MTAP: variants seen among roughly 807,000 people sequenced by gnomAD.
The protein encoded by MTAP is S-methyl-5'-thioadenosine phosphorylase.
A neutral mutation model predicts 33.6 loss-of-function variants in MTAP; 33 were observed. The observed-to-expected ratio is 0.98, with a 90% CI of 0.74 to 1.31. MTAP has a LOEUF of 1.31. MTAP is among the 40% of genes most tolerant of loss of function. The probability of loss-of-function intolerance (pLI) is 0.00; values close to 1 mark genes in which losing one functional copy is unlikely to be tolerated. For synonymous variants in MTAP, 148 were observed against 125.7 expected, an observed-to-expected ratio of 1.18 and a Z score of -1.19; for missense variants, 367 against 360.0, an observed-to-expected ratio of 1.02 and a Z score of -0.16.
intron 1 of MTAP, among the ~76,000 whole-genome samples, chr9:21,880,040 A>G (rs987805916): frequency 1.3e-5 from 2 of 152,124 alleles, no homozygotes; most frequent in Non-Finnish European, 2.9e-5. Flanking sequence ...AAATCTTGCA[A>G]GAGTTCTGTG....
intron 1 of MTAP, among the ~76,000 whole-genome samples, chr9:21,899,004 C>T (rs901428933): frequency 6.6e-6 from 1 of 151,920 alleles, no homozygotes; most frequent in African/African-American, 2.4e-5. Flanking sequence ...CAACAATAGA[C>T]CTGATAAAGA....
chr9:21,871,057 C>T (rs961386826), downstream of MTAP, among the ~76,000 whole-genome samples: 6 of 152,222 alleles, frequency 3.9e-5, no homozygotes, highest in Non-Finnish European at 8.8e-5. Flanking sequence ...AGCCATCAGC[C>T]ACCATGCCTG....
intron 1 of MTAP, among the ~76,000 whole-genome samples, chr9:21,926,570 G>T (rs1294129878): frequency 1.3e-5 from 2 of 152,176 alleles, no homozygotes. Context: ...GAATGAAAAA[G>T]GAAGGAGTCT....
At chr9:21,888,749 G>A (rs776168820) in intron 1 of MTAP, among the ~76,000 whole-genome samples, 2 of 152,022 alleles carry the variant, frequency 1.3e-5, no homozygotes, top group South Asian at 2.1e-4. Flanking sequence ...TATTTTCCTG[G>A]CTTTGCTAGA....
rs969019293 is a variant in MTAP, at chr9:21,863,330, G to C, written c.*1316G>C. On this transcript the variant is annotated 3_prime_UTR_variant, in exon 8 of 8. Transcript: ENST00000644715. ...TTTATAGAAATGCTTTTTGTTGGCC[G>C]GGCACAGTTGCTCATCCATGTAATC... 5.1e-6 allele frequency: 5 copies of C among 982,230 alleles called. No individual in the cohort carries two copies. Among genetic ancestry groups the C allele is most frequent in the Non-Finnish European group, 6.0e-6 (5 of 827,436 alleles). 60.8% of individuals were successfully genotyped at this position (982,230 alleles called of 1,614,324 possible).
intron 1 of MTAP, among the ~76,000 whole-genome samples, chr9:21,911,976 A>G (rs924856794): frequency 1.1e-4 from 16 of 152,226 alleles, no homozygotes; most frequent in Admixed American, 5.2e-4. Context: ...AGAAATACAA[A>G]CTACCATCAG....
At chr9:21,845,781 G>C (rs1208775424) in intron 5 of MTAP, among the ~76,000 whole-genome samples, 1 of 151,700 alleles carries the variant, frequency 6.6e-6, no homozygotes, top group African/African-American at 2.4e-5. Flanking sequence ...ATTTATGTGA[G>C]ACCAAAAAAA....
At chr9:21,858,188 T>G (rs1021532290) in intron 6 of MTAP, among the ~76,000 whole-genome samples, 10 of 152,206 alleles carry the variant, frequency 6.6e-5, no homozygotes, top group African/African-American at 2.2e-4. Context: ...TGTTTGGTTT[T>G]CCAGTGTAGC....
Position 21,862,216 on chromosome 9 carries a change from G to A in MTAP, c.*202G>A. On this transcript the variant is annotated 3_prime_UTR_variant, in exon 8 of 8. Coordinates refer to ENST00000644715, the MANE Select transcript of MTAP (RefSeq NM_002451.4). ...GACAACTTCAAAATACAGAAGAAAA[G>A]CAAATGACTAGTAAACATGTGGGAA... 2 of 1,278,914 alleles carry A rather than the reference G, an allele frequency of 1.6e-6. No homozygotes were observed. Among genetic ancestry groups the A allele is most frequent in the Non-Finnish European group, 2.0e-6 (2 of 997,730 alleles). 79.2% of individuals were successfully genotyped at this position (1,278,914 alleles called of 1,614,324 possible).
chr9:21,887,071 C>T (rs774379242), intron 1 of MTAP, among the ~76,000 whole-genome samples: 13 of 152,080 alleles, frequency 8.5e-5, no homozygotes, highest in Non-Finnish European at 1.3e-4. Flanking sequence ...TATCCATGAA[C>T]ATGGGATGTG....
chr9:21,940,185 G>A (rs994773787), downstream of MTAP, among the ~76,000 whole-genome samples: 1 of 152,174 alleles, frequency 6.6e-6, no homozygotes, highest in African/African-American at 2.4e-5. Context: ...GATGAAGTCT[G>A]ATGACAAGTC....
downstream of MTAP, among the ~76,000 whole-genome samples, chr9:21,868,183 C>T (rs1436445257): frequency 6.6e-6 from 1 of 152,084 alleles, no homozygotes; most frequent in Non-Finnish European, 1.5e-5. Context: ...GCAACTGTTC[C>T]TTTAATTGAT....
In MTAP at chr9:21,866,219, TA is replaced by T. The variant is rs1370711487; in HGVS notation, c.*4211del. ...TATCTGTACAAATATTTTTGTTTAT[TA>T]AAAAATTAGATTGTTTTGTTTTATT... is the stretch of plus-strand genomic sequence containing the variant. On this transcript the variant is annotated 3_prime_UTR_variant, in exon 8 of 8. Coordinates refer to ENST00000644715, the MANE Select transcript of MTAP (RefSeq NM_002451.4). 2.0e-5 allele frequency: 3 copies of T among 152,226 alleles called. No individual in the cohort carries two copies. The highest frequency in any genetic ancestry group is 4.4e-5 in the Non-Finnish European group (3 of 68,028). 9.4% of individuals were successfully genotyped at this position (152,226 alleles called of 1,614,324 possible).
chr9:21,845,320 CA>C (rs1825352488), intron 5 of MTAP, among the ~76,000 whole-genome samples: 3 of 152,232 alleles, frequency 2.0e-5, no homozygotes, highest in Admixed American at 2.0e-4. Flanking sequence ...TAAATGAATT[CA>C]GCAAAGTTTC....
intron 5 of MTAP, among the ~76,000 whole-genome samples, chr9:21,852,567 G>C (rs1825542352): frequency 6.6e-6 from 1 of 151,568 alleles, no homozygotes; most frequent in Non-Finnish European, 1.5e-5. Context: ...AAGTGGGAGA[G>C]GAGAATCAGG....
chr9:21,891,809 C>A (rs932438162), intron 1 of MTAP, among the ~76,000 whole-genome samples: 2 of 152,022 alleles, frequency 1.3e-5, no homozygotes, highest in African/African-American at 4.8e-5. Context: ...TGACCATCCC[C>A]AAGACACATA....
intron 1 of MTAP, among the ~76,000 whole-genome samples, chr9:21,914,173 A>C (rs1275616474): frequency 6.6e-6 from 1 of 152,192 alleles, no homozygotes; most frequent in African/African-American, 2.4e-5. Flanking sequence ...ACACTTTTAC[A>C]CTGTTGGTGG....
chr9:21,877,490 G>C (rs1047326813), intron 1 of MTAP, among the ~76,000 whole-genome samples: 6 of 152,000 alleles, frequency 3.9e-5, no homozygotes, highest in African/African-American at 1.5e-4. Flanking sequence ...TATTGGCTTT[G>C]GATTTGTCAT....
In MTAP at chr9:21,873,184, C is replaced by A. The variant is rs1057107517; in HGVS notation, c.147+18314C>A. ...TGTTTTAAGTTGGAAAAAAAAGTTA[C>A]ATAAAATGTATTCTATTGTCTTGGC... is the stretch of plus-strand genomic sequence containing the variant. On this transcript the variant is annotated intron_variant, in intron 1 of 1. Coordinates refer to the MTAP transcript ENST00000577563. Among the ~76,000 whole-genome samples, 7 of 152,118 alleles carry A rather than the reference C, an allele frequency of 4.6e-5. No individual in the cohort carries two copies. The East Asian group carries it at 9.6e-4, about 21-fold the overall frequency.
Sources: gnomAD v4.1 joint callset for allele counts (sites outside exome capture counted in the v4.1 genomes callset) on GRCh38, gnomAD v4.1.1 for gene constraint, MANE v1.5 for transcripts, NCBI Gene and HGNC (gene_info 2026-07-23, HGNC 2026-07-21) for gene names.